The following CATSPERE variants were observed in gnomAD, a reference collection of about 807,000 sequenced individuals.
CATSPERE encodes the protein catsper channel auxiliary subunit epsilon, also known as cation channel sperm-associated auxiliary subunit epsilon.
A neutral mutation model predicts 114.1 loss-of-function variants in CATSPERE; 93 were observed. The ratio of observed to expected loss-of-function variants is 0.81; its 90% CI spans 0.69 to 0.97. The LOEUF (loss-of-function observed/expected upper bound fraction) is 0.97. Among genes scored for constraint, CATSPERE ranks in the 50% least tolerant of loss-of-function variants. The pLI is 0.00. For missense variants in CATSPERE, 1,058 were observed against 1,131.6 expected (o/e 0.93, Z 0.93); for synonymous variants, 341 against 384.1 (o/e 0.89, Z 1.31).
intron 10 of CATSPERE, among the ~76,000 whole-genome samples, chr1:244,566,684 T>TTTTTTTTTTTC: frequency 8.2e-6 from 1 of 121,944 alleles, no homozygotes; most frequent in Non-Finnish European, 1.7e-5. Flanking sequence ...TTTTTTTTTT[T>TTTTTTTTTTTC]TTTGCTTTCC....
chr1:244,588,614 A>G, intron 14 of CATSPERE, 80 bp downstream of exon 14: 1 of 1,054,314 alleles, frequency 9.5e-7, no homozygotes. Flanking sequence ...TGCTAGTGAT[A>G]ATAGCCTAAT....
At chr1:244,453,274 C>A (rs976200324), upstream of CATSPERE, among the ~76,000 whole-genome samples, 1 of 152,144 alleles carries the variant, frequency 6.6e-6, no homozygotes, top group South Asian at 2.1e-4. Context: ...GTCAAATGCC[C>A]GAGGTAGTGT....
chr1:244,635,455 G>C (rs1271591055), intron 20 of CATSPERE, 34 bp from the exon 21 acceptor site: 1 of 1,486,248 alleles, frequency 6.7e-7, no homozygotes, highest in Non-Finnish European at 9.4e-7. Flanking sequence ...ATTGTACTTA[G>C]TGTAATCTTT....
At chr1:244,546,410 A>T (rs1303214434) in intron 8 of CATSPERE, among the ~76,000 whole-genome samples, 1 of 152,234 alleles carries the variant, frequency 6.6e-6, no homozygotes, top group Non-Finnish European at 1.5e-5. Context: ...ATGCACAGAT[A>T]TCAATGCATG....
chr1:244,566,652 CTT>C (rs59466928), intron 10 of CATSPERE, among the ~76,000 whole-genome samples: 1 of 49,116 alleles, frequency 2.0e-5, no homozygotes, highest in African/African-American at 4.5e-5. Context: ...GCAACCCCTG[CTT>C]TTTTTTTTTT....
intron 8 of CATSPERE, among the ~76,000 whole-genome samples, chr1:244,524,954 A>G (rs1430389778): frequency 6.8e-6 from 1 of 146,912 alleles, no homozygotes; most frequent in Non-Finnish European, 1.5e-5. Context: ...ATCTAGAACT[A>G]GAAATACCAT....
chr1:244,570,407 T>TA (rs1664260673), intron 10 of CATSPERE, among the ~76,000 whole-genome samples: 1 of 152,144 alleles, frequency 6.6e-6, no homozygotes, highest in South Asian at 2.1e-4. Context: ...TTCTTTTTAA[T>TA]TTAATTTCTG....
chr1:244,460,139 CTTAGT>C (rs1666536478), upstream of CATSPERE, among the ~76,000 whole-genome samples: 1 of 152,194 alleles, frequency 6.6e-6, no homozygotes, highest in Non-Finnish European at 1.5e-5. Context: ...TTGGGAGAAA[CTTAGT>C]TTATAGTTTA....
In CATSPERE at chr1:244,639,936, T is replaced by C; in HGVS notation, c.2711T>C (p.Val904Ala). 1 of 1,546,318 alleles carries C rather than the reference T, an allele frequency of 6.5e-7. No homozygotes were observed. The highest frequency in any genetic ancestry group is 1.2e-5 in the South Asian group (1 of 82,828). ...TTTTTTTCTGATTTCAGTCCAAGTG[T>C]CTACCTGGTAGCTTCTTTCCTCTTC... ...ETFGLIPSPS[V>A]YLVASFLFVL... The change falls in exon 22 of 22, where the codon GTC becomes GCC. Residue 904 changes from valine to alanine, a missense_variant. Val to Ala is a moderately conservative substitution (Grantham distance 64). Transcript: ENST00000366534.
chr1:244,576,971 T>G (rs2148593129), intron 11 of CATSPERE, among the ~76,000 whole-genome samples: 1 of 152,326 alleles, frequency 6.6e-6, no homozygotes, highest in East Asian at 1.9e-4. Context: ...GCCTTTTCTT[T>G]AAAATAGGTC....
chr1:244,512,764 T>C (rs1485994073), intron 7 of CATSPERE, among the ~76,000 whole-genome samples: 1 of 152,164 alleles, frequency 6.6e-6, no homozygotes, highest in African/African-American at 2.4e-5. Flanking sequence ...ATTTCTTCAG[T>C]GTTGGTTGGG....
At position 244,607,199 on chromosome 1, in the gene CATSPERE, A is replaced by G. The variant is rs1670124537; in HGVS notation, c.2403+1405A>G. Among the ~76,000 whole-genome samples, 2 of 152,004 alleles carry G rather than the reference A, an allele frequency of 1.3e-5. No individual in the cohort carries two copies. The highest frequency in any genetic ancestry group is 4.8e-5 in the African/African-American group (2 of 41,372). On this transcript the variant is annotated intron_variant, in intron 18 of 21. Coordinates refer to ENST00000366534, the MANE Select transcript of CATSPERE (RefSeq NM_001130957.2). This position sits in a 1 kb window ranked among gnomAD's most constrained non-coding sequence, Gnocchi z 4.4. The stretch of plus-strand genomic sequence containing the variant: ...GAGTACTCTTTCTCTCACCCCATAT[A>G]CTTAAGGGTGAGATTTGGGGTTGAT...
chr1:244,566,663 T>A (rs1232577249), intron 10 of CATSPERE, among the ~76,000 whole-genome samples: 18 of 107,126 alleles, frequency 1.7e-4, no homozygotes, highest in East Asian at 4.4e-4. Flanking sequence ...TTTTTTTTTT[T>A]TTTTTTTTTT....
chr1:244,463,942 A>C lies in CATSPERE; in HGVS notation c.100A>C (p.Ser34Arg). The C allele has an allele frequency of 6.2e-7, 1 of 1,600,970 alleles. No homozygotes were observed. The highest frequency in any genetic ancestry group is 1.1e-5 in the South Asian group (1 of 90,588). ...STNSPNYRIF[S>R]TRSTIKLEYE... is the part of the protein sequence containing the mutation. ...TAACAGCCCAAACTATCGCATTTTT[A>C]GTACCAGAAGTACTGTAAGTGTTGA... The change falls in exon 2 of 22, where the codon AGT (serine) becomes CGT (arginine). Residue 34 changes from serine to arginine, a missense_variant. By Grantham distance (110) the Ser-to-Arg change is moderately radical. This residue lies in a region of CATSPERE where 271 missense variants were observed against 225.9 expected (regional missense o/e 1.20). Transcript: ENST00000366534.
At chr1:244,527,343 A>G (rs1038752000) in intron 8 of CATSPERE, among the ~76,000 whole-genome samples, 3 of 152,194 alleles carry the variant, frequency 2.0e-5, no homozygotes, top group African/African-American at 7.2e-5. Flanking sequence ...CTTGCTGAGA[A>G]AAAGAATTCA....
At chr1:244,617,731 A>G (rs1671576489) in intron 20 of CATSPERE, 45 bp downstream of exon 20, 1 of 1,449,668 alleles carries the variant, frequency 6.9e-7, no homozygotes, top group African/African-American at 1.5e-5. Context: ...TAGTTCTTCA[A>G]AATCTTTATT....
At chr1:244,600,754 C>T (rs1298100850) in intron 17 of CATSPERE, among the ~76,000 whole-genome samples, 1 of 150,662 alleles carries the variant, frequency 6.6e-6, no homozygotes, top group Non-Finnish European at 1.5e-5. Flanking sequence ...ATCAAAGAAT[C>T]GATCATCAAA....
chr1:244,488,002 A>G (rs1223514623), intron 5 of CATSPERE, among the ~76,000 whole-genome samples: 1 of 152,182 alleles, frequency 6.6e-6, no homozygotes, highest in Non-Finnish European at 1.5e-5. Context: ...GAGTTCTGAC[A>G]CTAGAAAGAA....
rs1381994772 is a variant in CATSPERE, at chr1:244,568,791, G to A, written c.1508-3539G>A. On this transcript the variant is annotated intron_variant, in intron 10 of 21. Coordinates refer to ENST00000366534, the MANE Select transcript of CATSPERE (RefSeq NM_001130957.2). This position sits in a 1 kb window ranked among gnomAD's most constrained non-coding sequence, Gnocchi z 4.4. ...AGCTTGCTGGACTCCATAGGGGTGGGATCCACTGAGCTAGACCACTTGGCT... is the reference window on the plus strand; with the variant it reads ...AGCTTGCTGGACTCCATAGGGGTGGAATCCACTGAGCTAGACCACTTGGCT... Among the ~76,000 whole-genome samples, 4 of 152,204 alleles carry A rather than the reference G, an allele frequency of 2.6e-5. No individual in the cohort carries two copies. The highest frequency in any genetic ancestry group is 2.9e-5 in the Non-Finnish European group (2 of 68,046).
Sources: allele counts gnomAD v4.1 joint callset (sites outside exome capture counted in the v4.1 genomes callset), GRCh38; gene constraint gnomAD v4.1.1; regional missense constraint gnomAD v4.1.1; non-coding constraint Gnocchi (gnomAD v3.1); transcripts MANE v1.5; gene names NCBI Gene and HGNC (gene_info 2026-07-23, HGNC 2026-07-21).